The following ADAT1 variants were observed in gnomAD, a reference collection of about 807,000 sequenced individuals.
The protein encoded by ADAT1 is adenosine deaminase tRNA specific 1.
In ADAT1, 58 loss-of-function variants were observed where a neutral mutation model predicts 58.6. That is an observed-to-expected ratio of 0.99 (90% CI 0.80 to 1.23). The LOEUF (loss-of-function observed/expected upper bound fraction) is 1.23, where lower values mean the gene tolerates loss of function less well. Ranked by LOEUF, ADAT1 falls within the 50% of genes most tolerant of loss-of-function variation. ADAT1 has a pLI of 0.00. For synonymous variants in ADAT1, 254 were observed against 220.8 expected (o/e 1.15, Z -1.33); for missense variants, 741 against 608.6 (o/e 1.22, Z -2.29).
intron 1 of ADAT1, among the ~76,000 whole-genome samples, 165 bp downstream of exon 1, chr16:75,622,238 G>A (rs767676993): frequency 6.6e-6 from 1 of 152,328 alleles, no homozygotes; most frequent in East Asian, 1.9e-4. Flanking sequence ...GCAACGTGCA[G>A]GCTCGCTACT....
Position 75,612,268 on chromosome 16 carries a change from C to T in ADAT1, c.1018G>A (p.Ala340Thr). ...VIGKCPYSQEAMQRALIGRCQ... is the reference protein window; with the variant it reads ...VIGKCPYSQETMQRALIGRCQ... Reference sequence around the variant, plus strand: ...CTTCCAATCAGTGCTCTCTGCATGGCTTCCTGGCTGTATGGGCACTTCCCA... The same window carrying T: ...CTTCCAATCAGTGCTCTCTGCATGGTTTCCTGGCTGTATGGGCACTTCCCA... The change falls in exon 6 of 10, where the codon GCC (alanine) becomes ACC (threonine). Residue 340 changes from alanine to threonine, a missense_variant. Transcript: ENST00000564657. 6.2e-7 allele frequency: 1 copy of T among 1,614,140 alleles called. No homozygotes were observed. The highest frequency in any genetic ancestry group is 8.5e-7 in the Non-Finnish European group (1 of 1,180,000).
At chr16:75,602,167 G>A (rs752080664) in intron 9 of ADAT1, among the ~76,000 whole-genome samples, 3 of 152,108 alleles carry the variant, frequency 2.0e-5, no homozygotes, top group South Asian at 4.1e-4. Context: ...GAGAGGAGGA[G>A]GTTGGAGATT....
At position 75,608,882 on chromosome 16, in the gene ADAT1, T is replaced by C. The variant is rs549884564; in HGVS notation, c.1150A>G (p.Arg384Gly). 1 of 1,614,058 alleles carries C rather than the reference T, an allele frequency of 6.2e-7. No individual in the cohort carries two copies. The highest frequency in any genetic ancestry group is 1.3e-5 in the African/African-American group (1 of 75,054). ...ACAAGTCGACCTGGGCTATCAGCCC[T>C]TTTTGCCTGCACCGCACTGCGGCTC... is the stretch of plus-strand genomic sequence containing the variant. ...EQSRSAVQAK[R>G]ADSPGRLVPC... Residue 384 changes from arginine (R) to glycine (G), a missense_variant, in exon 7 of 10, where the codon AGG becomes GGG. Physicochemically the swap from Arg to Gly is moderately radical, Grantham distance 125. Coordinates refer to ENST00000564657, the MANE Select transcript of ADAT1 (RefSeq NM_001324445.2).
intron 4 of ADAT1, among the ~76,000 whole-genome samples, chr16:75,617,600 C>T (rs74870473): frequency 2.7e-5 from 4 of 150,920 alleles, no homozygotes; most frequent in Admixed American, 1.3e-4. Flanking sequence ...TGCCACTGTA[C>T]TTCAGCTTGG....
chr16:75,610,298 CTTTT>C (rs76848698), intron 6 of ADAT1, among the ~76,000 whole-genome samples: 1 of 143,256 alleles, frequency 7.0e-6, no homozygotes. Context: ...TACATATACA[CTTTT>C]TTTTTTTTTT....
intron 3 of ADAT1, chr16:75,619,700 C>G (rs777319809): frequency 2.3e-6 from 1 of 441,146 alleles, no homozygotes; most frequent in South Asian, 1.6e-5. Context: ...CACCTGAGGT[C>G]AGGAGTTCAA....
Position 75,598,986 on chromosome 16 carries a change from A to C in ADAT1, c.*1230T>G. The C allele has an allele frequency of 5.1e-6, 5 of 985,000 alleles. No homozygotes were observed. The highest frequency in any genetic ancestry group is 6.0e-6 in the Non-Finnish European group (5 of 829,900). 61.0% of individuals were successfully genotyped at this position (985,000 alleles called of 1,614,324 possible). On this transcript the variant is annotated 3_prime_UTR_variant, in exon 10 of 10. Transcript: ENST00000564657. ...GCTTCCATTTTCAGTCAATCATTCA[A>C]GGTCTGAAGTTGAGTGTTAAACATT... is the stretch of plus-strand genomic sequence containing the variant.
At chr16:75,606,505 G>C (rs913700920) in intron 8 of ADAT1, among the ~76,000 whole-genome samples, 3 of 152,186 alleles carry the variant, frequency 2.0e-5, no homozygotes, top group Non-Finnish European at 2.9e-5. Context: ...CCACTGAGTC[G>C]TGAAGCTGAA....
chr16:75,617,505 A>G (rs373729407), intron 4 of ADAT1, among the ~76,000 whole-genome samples: 35 of 152,154 alleles, frequency 2.3e-4, no homozygotes, highest in African/African-American at 8.4e-4. Context: ...TCGGTGGCTC[A>G]TATCTGTAAC....
chr16:75,618,533 C>A, intron 4 of ADAT1, 53 bp downstream of exon 4: 6 of 1,252,796 alleles, frequency 4.8e-6, no homozygotes, highest in South Asian at 1.5e-5. Context: ...AAAGTAAATT[C>A]CGGGACTCCC....
At chr16:75,621,583 G>A (rs900696958) in intron 1 of ADAT1, among the ~76,000 whole-genome samples, 1 of 152,118 alleles carries the variant, frequency 6.6e-6, no homozygotes, top group Non-Finnish European at 1.5e-5. Flanking sequence ...CTTATAAAAA[G>A]CAATTGCTAC....
At chr16:75,606,626 T>C (rs953131458) in intron 8 of ADAT1, among the ~76,000 whole-genome samples, 2 of 152,198 alleles carry the variant, frequency 1.3e-5, no homozygotes, top group Non-Finnish European at 2.9e-5. Flanking sequence ...AACAGGATCC[T>C]TGAGCCCCCG....
chr16:75,620,618 G>GAAA lies in ADAT1; in HGVS notation c.169+10_169+12dup. On this transcript the variant is annotated intron_variant, in intron 2 of 9. Transcript: ENST00000564657. Reference sequence around the variant, plus strand: ...CTCACAGTGAGGAGCATGCCAAGAAGAAAAAGTCTCACCTTGCACCGGCTT... The same window carrying GAAA: ...CTCACAGTGAGGAGCATGCCAAGAAGAAAAAAAAGTCTCACCTTGCACCGGCTT... The GAAA allele has an allele frequency of 6.2e-7, 1 of 1,611,914 alleles. No homozygotes were observed. The highest frequency in any genetic ancestry group is 8.5e-7 in the Non-Finnish European group (1 of 1,179,506).
intron 8 of ADAT1, 109 bp downstream of exon 8, chr16:75,608,115 G>A (rs1259395496): frequency 2.3e-6 from 2 of 878,554 alleles, no homozygotes; most frequent in Non-Finnish European, 3.7e-6. Context: ...GGTAGTGACT[G>A]CTAATGGGTA....
chr16:75,604,498 C>T lies in ADAT1; in HGVS notation c.1290-1327G>A, dbSNP rs915751147. ...ATACACACACACACACACACACACA[C>T]ACACACACACACACACACACATATA... On this transcript the variant is annotated intron_variant, in intron 8 of 9. Coordinates refer to ENST00000564657, the MANE Select transcript of ADAT1 (RefSeq NM_001324445.2). Among the ~76,000 whole-genome samples the T allele has an allele frequency of 9.4e-4, 122 of 130,288 alleles. 5 individuals are homozygous for T. In the South Asian group the frequency reaches 0.031, roughly 34 times the overall value. The allele number at this position is 130,288 out of a possible 152,430, so 85.5% of individuals were successfully genotyped here. A position where few individuals can be genotyped will look rare whatever the true frequency, so the allele number is the denominator to read the frequency against.
chr16:75,605,972 C>T (rs1331696564), intron 8 of ADAT1, among the ~76,000 whole-genome samples: 1 of 149,256 alleles, frequency 6.7e-6, no homozygotes, highest in African/African-American at 2.5e-5. Context: ...CCCCAAATCC[C>T]AAAAGCATTC....
chr16:75,600,429 C>A lies in ADAT1; in HGVS notation c.1377-81G>T, dbSNP rs114774148. The A allele has an allele frequency of 1.0e-4, 164 of 1,569,894 alleles. 1 individual carries two copies. In the African/African-American group the frequency reaches 2.1e-3, roughly 20 times the overall value. On this transcript the variant is annotated intron_variant, in intron 9 of 9. Coordinates refer to ENST00000564657, the MANE Select transcript of ADAT1 (RefSeq NM_001324445.2). ...GGCCACCAGACACCTGAGCAAGCAA[C>A]TGGACAGACTTGTAATGAGACTTAG...
chr16:75,612,609 A>G lies in ADAT1; in HGVS notation c.677T>C (p.Ile226Thr), dbSNP rs752840221. The G allele has an allele frequency of 6.2e-7, 1 of 1,614,008 alleles. No individual in the cohort carries two copies. Among genetic ancestry groups the G allele is most frequent in the Non-Finnish European group, 8.5e-7 (1 of 1,180,020 alleles). Reference sequence around the variant, plus strand: ...ATCACAGCTGTGGATGCCTGGTGAGATTGGGCCACTTTTCTGCTTGCCAAA... The same window carrying G: ...ATCACAGCTGTGGATGCCTGGTGAGGTTGGGCCACTTTTCTGCTTGCCAAA... ...QSFGKQKSGP[I>T]SPGIHSCDLT... The change falls in exon 6 of 10, where the codon ATC becomes ACC. Residue 226 changes from isoleucine (I) to threonine (T), a missense_variant. Coordinates refer to ENST00000564657, the MANE Select transcript of ADAT1 (RefSeq NM_001324445.2).
At chr16:75,618,126 A>G in intron 4 of ADAT1, among the ~76,000 whole-genome samples, 1 of 143,626 alleles carries the variant, frequency 7.0e-6, no homozygotes, top group African/African-American at 2.5e-5. Context: ...AAAAAAAAAG[A>G]GAGAACCACT....
Sources: allele counts gnomAD v4.1 joint callset (sites outside exome capture counted in the v4.1 genomes callset), GRCh38; gene constraint gnomAD v4.1.1; transcripts MANE v1.5; gene names NCBI Gene and HGNC (gene_info 2026-07-23, HGNC 2026-07-21).